Variants in SAMMSON observed in about 807,000 individuals in gnomAD.
SAMMSON encodes the protein survival associated mitochondrial melanoma specific oncogenic non-coding RNA.
intron 4 of SAMMSON, among the ~76,000 whole-genome samples, chr3:70,219,611 A>G (rs1177705421): frequency 6.6e-6 from 1 of 152,184 alleles, no homozygotes; most frequent in Non-Finnish European, 1.5e-5. Context: ...AACCAACAGA[A>G]TGGATCCAAA....
At chr3:70,275,706 C>T (rs937641481) in intron 6 of SAMMSON, among the ~76,000 whole-genome samples, 3 of 151,988 alleles carry the variant, frequency 2.0e-5, no homozygotes, top group African/African-American at 7.2e-5. Flanking sequence ...CTCAAAGCGT[C>T]GTTGAAAGGA....
At position 70,346,539 on chromosome 3, in the gene SAMMSON, T is replaced by C. The variant is rs375970050; in HGVS notation, n.740-7636T>C. On this transcript the variant is annotated intron_variant and non_coding_transcript_variant, in intron 7 of 9. Transcript: ENST00000642114. Reference sequence around the variant, plus strand: ...ACAACTCCTTTTAAACTTTCCTCCATACTATGTGCTTTGAAAGAAGAGGAA... The same window carrying C: ...ACAACTCCTTTTAAACTTTCCTCCACACTATGTGCTTTGAAAGAAGAGGAA... Among the ~76,000 whole-genome samples the C allele has an allele frequency of 3.3e-5, 5 of 152,228 alleles. No homozygotes were observed. In the East Asian group the frequency reaches 9.7e-4, roughly 29 times the overall value.
chr3:70,089,189 C>A (rs2067296984), intron 4 of SAMMSON, among the ~76,000 whole-genome samples: 1 of 152,088 alleles, frequency 6.6e-6, no homozygotes, highest in Admixed American at 6.6e-5. Context: ...ATTTGAGGAT[C>A]TCTCTAAATG....
At chr3:70,192,150 C>A (rs1701135517) in intron 4 of SAMMSON, among the ~76,000 whole-genome samples, 1 of 152,186 alleles carries the variant, frequency 6.6e-6, no homozygotes, top group Non-Finnish European at 1.5e-5. Context: ...CTCGCCCTCC[C>A]ACTTACCCCC....
chr3:70,302,429 G>T (rs1419201480), intron 7 of SAMMSON, among the ~76,000 whole-genome samples: 1 of 151,812 alleles, frequency 6.6e-6, no homozygotes, highest in African/African-American at 2.4e-5. Context: ...TATTCCTGAG[G>T]CATAAAACAT....
intron 6 of SAMMSON, among the ~76,000 whole-genome samples, chr3:70,259,703 G>A (rs1296660728): frequency 6.6e-6 from 1 of 152,190 alleles, no homozygotes; most frequent in Non-Finnish European, 1.5e-5. Flanking sequence ...GTAACAAAGT[G>A]CCACAAACTG....
chr3:70,397,853 C>G (rs1043054413), intron 2 of SAMMSON, among the ~76,000 whole-genome samples: 35 of 152,164 alleles, frequency 2.3e-4, no homozygotes, highest in African/African-American at 8.2e-4. Flanking sequence ...ATTAGACAAA[C>G]TATAACACTA....
At chr3:70,262,385 C>A (rs939691201) in intron 6 of SAMMSON, among the ~76,000 whole-genome samples, 1 of 152,098 alleles carries the variant, frequency 6.6e-6, no homozygotes, top group African/African-American at 2.4e-5. Context: ...ATATAACGGA[C>A]AATAACTTCA....
At chr3:70,182,309 C>G (rs1701059924) in intron 4 of SAMMSON, among the ~76,000 whole-genome samples, 3 of 152,140 alleles carry the variant, frequency 2.0e-5, no homozygotes, top group Admixed American at 1.3e-4. Context: ...TCACAGACGT[C>G]GTTTTCCACT....
At chr3:70,117,525 T>A (rs1018155885) in intron 4 of SAMMSON, among the ~76,000 whole-genome samples, 2 of 152,216 alleles carry the variant, frequency 1.3e-5, no homozygotes, top group Non-Finnish European at 2.9e-5. Flanking sequence ...CTTCTTGCCT[T>A]CAATTGATTG....
rs2067225467 is a variant in SAMMSON, at chr3:70,070,432, A to C, written n.418-1044A>C. On this transcript the variant is annotated intron_variant and non_coding_transcript_variant, in intron 3 of 9. Coordinates refer to ENST00000642114, the Ensembl canonical transcript of SAMMSON. ...TGTTTTAAGCTGGCATAAAGAAAAA[A>C]TAAAATAAATTGTTTTGAACAATCT... 14 of 152,028 alleles carry C rather than the reference A, an allele frequency of 9.2e-5. No individual in the cohort carries two copies. The South Asian group carries it at 2.9e-3, about 32-fold the overall frequency. The allele number at this position is 152,028 out of a possible 1,614,324, so 9.4% of individuals were successfully genotyped here.
At chr3:70,234,407 G>C (rs1429124325) in intron 4 of SAMMSON, among the ~76,000 whole-genome samples, 1 of 152,136 alleles carries the variant, frequency 6.6e-6, no homozygotes, top group Non-Finnish European at 1.5e-5. Flanking sequence ...CTAGCACTTT[G>C]GGAAGCTGAG....
At chr3:70,088,072 G>T (rs938268468) in intron 4 of SAMMSON, among the ~76,000 whole-genome samples, 2 of 152,076 alleles carry the variant, frequency 1.3e-5, no homozygotes, top group African/African-American at 4.8e-5. Context: ...TCCGTTCTTT[G>T]GTTCTGCCTT....
At chr3:70,290,132 C>T (rs1283451912) in intron 6 of SAMMSON, among the ~76,000 whole-genome samples, 6 of 152,172 alleles carry the variant, frequency 3.9e-5, no homozygotes, top group Non-Finnish European at 8.8e-5. Flanking sequence ...GGAGGAGAGG[C>T]GCTCTGCTTT....
chr3:70,238,016 G>A (rs1265969929), intron 4 of SAMMSON, among the ~76,000 whole-genome samples: 1 of 35,876 alleles, frequency 2.8e-5, no homozygotes. Flanking sequence ...GCCTGTCCAG[G>A]ATCCCTTTTT....
chr3:70,081,083 A>G lies in SAMMSON; in HGVS notation n.507+9518A>G, dbSNP rs138255410. Among the ~76,000 whole-genome samples, 249 of 152,000 alleles carry G rather than the reference A, an allele frequency of 1.6e-3. 2 individuals carry two copies. The highest frequency in any genetic ancestry group is 5.8e-3 in the African/African-American group (241 of 41,492). On this transcript the variant is annotated intron_variant and non_coding_transcript_variant, in intron 4 of 9. Coordinates refer to ENST00000642114, the Ensembl canonical transcript of SAMMSON. ...TGTCACCATCTATCTCAGCACTCTA[A>G]TTTCTTCATAGCTTTCTTTGTTGTT...
At chr3:70,241,731 G>A (rs925062756) in intron 4 of SAMMSON, among the ~76,000 whole-genome samples, 3 of 152,092 alleles carry the variant, frequency 2.0e-5, no homozygotes, top group Non-Finnish European at 4.4e-5. Context: ...CTACTAAGGC[G>A]TCTAATGTCT....
intron 3 of SAMMSON, among the ~76,000 whole-genome samples, chr3:70,032,117 A>G (rs1452269306): frequency 6.6e-6 from 1 of 152,196 alleles, no homozygotes; most frequent in African/African-American, 2.4e-5. Flanking sequence ...ATTTGGGAAC[A>G]TGATTCTTTT....
In SAMMSON at chr3:70,256,159, C is replaced by T. The variant is rs1216534383; in HGVS notation, n.674+6489C>T. On this transcript the variant is annotated intron_variant and non_coding_transcript_variant, in intron 6 of 9. Coordinates refer to ENST00000642114, the Ensembl canonical transcript of SAMMSON. The stretch of plus-strand genomic sequence containing the variant: ...TTGCTTTCCCCATGGTTACGAATGA[C>T]TCTTTAAGATGGATCCTTTTTATTC... 2.0e-5 allele frequency among the ~76,000 whole-genome samples: 3 copies of T among 152,146 alleles called. No homozygotes were observed. The East Asian group carries it at 5.8e-4, about 29-fold the overall frequency.
Sources: gnomAD v4.1 joint callset for allele counts (sites outside exome capture counted in the v4.1 genomes callset) on GRCh38, gnomAD v4.1.1 for gene constraint, MANE v1.5 for transcripts, NCBI Gene and HGNC (gene_info 2026-07-23, HGNC 2026-07-21) for gene names.